C18orf63: variants seen among roughly 807,000 people sequenced by gnomAD.
C18orf63 encodes uncharacterized protein C18orf63.
A neutral mutation model predicts 75.3 loss-of-function variants in C18orf63; 50 were observed. The observed-to-expected ratio is 0.66, with a 90% CI of 0.53 to 0.84. The LOEUF (loss-of-function observed/expected upper bound fraction) is 0.84. Among genes scored for constraint, C18orf63 ranks in the 40% least tolerant of loss-of-function variants. The pLI is 0.00. For synonymous variants in C18orf63, 232 were observed against 267.6 expected (o/e 0.87, Z 1.30); for missense variants, 732 against 800.2 (o/e 0.91, Z 1.03).
intron 4 of C18orf63, among the ~76,000 whole-genome samples, chr18:74,327,104 G>A (rs1439942755): frequency 6.6e-6 from 1 of 152,022 alleles, no homozygotes; most frequent in Non-Finnish European, 1.5e-5. Flanking sequence ...ACAAGATAAC[G>A]AAGGAATTCT....
intron 11 of C18orf63, among the ~76,000 whole-genome samples, chr18:74,348,439 TA>T: frequency 6.6e-6 from 1 of 152,332 alleles, no homozygotes; most frequent in South Asian, 2.1e-4. Flanking sequence ...TTTTGATCGA[TA>T]AAACACTTTT....
At chr18:74,352,957 G>C (rs1427426703) in intron 11 of C18orf63, among the ~76,000 whole-genome samples, 3 of 152,084 alleles carry the variant, frequency 2.0e-5, no homozygotes, top group Non-Finnish European at 4.4e-5. Context: ...CATGTTTGGA[G>C]GACAGTGGGT....
At chr18:74,349,671 C>T (rs897995797) in intron 11 of C18orf63, among the ~76,000 whole-genome samples, 3 of 152,070 alleles carry the variant, frequency 2.0e-5, no homozygotes, top group Non-Finnish European at 4.4e-5. Flanking sequence ...AAAACCATCC[C>T]CCCCACCACC....
intron 4 of C18orf63, among the ~76,000 whole-genome samples, chr18:74,325,792 C>G (rs145082601): frequency 8.5e-5 from 13 of 152,234 alleles, no homozygotes; most frequent in Admixed American, 2.0e-4. Flanking sequence ...AGCAGTTTTC[C>G]CTGCAATGGG....
intron 11 of C18orf63, among the ~76,000 whole-genome samples, chr18:74,348,685 TA>T (rs1984614846): frequency 6.6e-6 from 1 of 152,312 alleles, no homozygotes; most frequent in African/African-American, 2.4e-5. Context: ...TAATAAAGCA[TA>T]TTTTTTTTGT....
In C18orf63 at chr18:74,353,349, C is replaced by T; in HGVS notation, c.1082C>T (p.Pro361Leu). 6.5e-7 allele frequency: 1 copy of T among 1,536,436 alleles called. No homozygotes were observed. Among genetic ancestry groups the T allele is most frequent in the Non-Finnish European group, 8.7e-7 (1 of 1,146,980 alleles). ...RKPACAQSLL[P>L]CSVAVDHKVE... The stretch of plus-strand genomic sequence containing the variant: ...CCTGCCTGTGCTCAAAGTCTTCTAC[C>T]ATGTTCAGTAGCAGTGGACCACAAG... Residue 361 changes from proline (P) to leucine (L), a missense_variant, in exon 12 of 14, where the codon CCA becomes CTA. Physicochemically the swap from Pro to Leu is moderately conservative, Grantham distance 98. This residue lies in a region of C18orf63 where 495 missense variants were observed against 508.7 expected (regional missense o/e 0.97). Transcript: ENST00000579455.
chr18:74,353,226 T>G lies in C18orf63; in HGVS notation c.979-20T>G. ...CATTATTAACATTTTAAATTTTTTT[T>G]TAATCTCTATCCTTTTCAGGAACAC... On this transcript the variant is annotated intron_variant, in intron 11 of 13. Transcript: ENST00000579455. 1 of 1,466,646 alleles carries G rather than the reference T, an allele frequency of 6.8e-7. No homozygotes were observed. Among genetic ancestry groups the G allele is most frequent in the Middle Eastern group, 1.7e-4 (1 of 5,716 alleles). 90.9% of individuals were successfully genotyped at this position (1,466,646 alleles called of 1,614,324 possible). A position where few individuals can be genotyped will look rare whatever the true frequency, so the allele number is the denominator to read the frequency against.
At position 74,357,000 on chromosome 18, in the gene C18orf63, T is replaced by C; in HGVS notation, c.*553T>C. 6.6e-6 allele frequency: 1 copy of C among 152,202 alleles called. No homozygotes were observed. 9.4% of individuals were successfully genotyped at this position (152,202 alleles called of 1,614,324 possible). A position where few individuals can be genotyped will look rare whatever the true frequency, so the allele number is the denominator to read the frequency against. ...TATATATTTCTAACATAAGATATAG[T>C]ATATTTTTTAAGAAAAAAAGAATGT... On this transcript the variant is annotated 3_prime_UTR_variant, in exon 14 of 14. Transcript: ENST00000579455.
chr18:74,345,962 G>A (rs1043700355), intron 11 of C18orf63, among the ~76,000 whole-genome samples: 26 of 96,126 alleles, frequency 2.7e-4, no homozygotes, highest in African/African-American at 1.0e-3. Flanking sequence ...AGACACACTC[G>A]TGCACACACA....
At chr18:74,341,921 G>A (rs1984494889) in intron 8 of C18orf63, 111 bp from the exon 9 acceptor site, 3 of 606,824 alleles carry the variant, frequency 4.9e-6, no homozygotes, top group South Asian at 4.5e-5. Context: ...ACTATATATA[G>A]CTAGTGAGAT....
chr18:74,328,469 A>G (rs1984246163), intron 5 of C18orf63, among the ~76,000 whole-genome samples: 1 of 152,216 alleles, frequency 6.6e-6, no homozygotes, highest in Non-Finnish European at 1.5e-5. Flanking sequence ...GCCAAACCAT[A>G]TGAATGTGCA....
chr18:74,350,948 C>T (rs1347974033), intron 11 of C18orf63, among the ~76,000 whole-genome samples: 3 of 152,136 alleles, frequency 2.0e-5, no homozygotes, highest in East Asian at 1.9e-4. Flanking sequence ...AGGATTAGTG[C>T]TCTTATTTAA....
Position 74,334,616 on chromosome 18 carries a change from T to A in C18orf63, c.501+3674T>A, listed in dbSNP as rs1260011453. ...TGAGTTTGGGGTTCTGAGATTCTGG[T>A]TTTTTTCTTTCATAGTTATTAGGTC... On this transcript the variant is annotated intron_variant, in intron 7 of 13. Coordinates refer to ENST00000579455, the MANE Select transcript of C18orf63 (RefSeq NM_001174123.2). 3.3e-5 allele frequency among the ~76,000 whole-genome samples: 5 copies of A among 152,194 alleles called. No homozygotes were observed. The East Asian group carries it at 9.7e-4, about 29-fold the overall frequency.
chr18:74,352,707 T>G (rs72965873), intron 11 of C18orf63, among the ~76,000 whole-genome samples: 1 of 152,086 alleles, frequency 6.6e-6, no homozygotes, highest in Non-Finnish European at 1.5e-5. Flanking sequence ...AAATAAGTCA[T>G]GGTTCTTACC....
chr18:74,318,972 G>A (rs531118960), intron 2 of C18orf63, among the ~76,000 whole-genome samples: 1 of 152,198 alleles, frequency 6.6e-6, no homozygotes, highest in East Asian at 1.9e-4. Context: ...GATACCCAGA[G>A]GCAAGAAATA....
intron 2 of C18orf63, among the ~76,000 whole-genome samples, chr18:74,319,897 G>A (rs980794704): frequency 1.3e-5 from 2 of 152,206 alleles, no homozygotes; most frequent in Non-Finnish European, 2.9e-5. Context: ...AAATTCAGAT[G>A]CGGGGACAAG....
At chr18:74,350,784 C>T (rs1371484150) in intron 11 of C18orf63, among the ~76,000 whole-genome samples, 1 of 152,136 alleles carries the variant, frequency 6.6e-6, no homozygotes, top group Non-Finnish European at 1.5e-5. Flanking sequence ...CTTTGCACCC[C>T]TTGAAAATAA....
intron 11 of C18orf63, among the ~76,000 whole-genome samples, chr18:74,344,098 C>T (rs1254671183): frequency 1.3e-5 from 2 of 152,018 alleles, no homozygotes; most frequent in African/African-American, 4.8e-5. Context: ...TTCTATGGAA[C>T]CACTTAGAGA....
At chr18:74,319,188 G>T (rs1984077557) in intron 2 of C18orf63, among the ~76,000 whole-genome samples, 1 of 152,078 alleles carries the variant, frequency 6.6e-6, no homozygotes, top group Non-Finnish European at 1.5e-5. Context: ...TTTTTCTTCT[G>T]CTTGTCCTCA....
Sources: gnomAD v4.1 joint callset for allele counts (sites outside exome capture counted in the v4.1 genomes callset) on GRCh38, gnomAD v4.1.1 for gene constraint, gnomAD v4.1.1 regional missense constraint, MANE v1.5 for transcripts, NCBI Gene and HGNC (gene_info 2026-07-23, HGNC 2026-07-21) for gene names.